NKAIN3: variants seen among roughly 807,000 people sequenced by gnomAD.
NKAIN3 encodes the protein sodium/potassium transporting ATPase interacting 3.
NKAIN3 carries 25 observed loss-of-function variants against 30.2 expected under a neutral mutation model. The ratio of observed to expected loss-of-function variants is 0.83; its 90% CI spans 0.60 to 1.16. NKAIN3 has a LOEUF of 1.16. Among genes scored for constraint, NKAIN3 ranks in the 50% most tolerant of loss-of-function variants. NKAIN3 has a pLI of 0.00. For missense variants in NKAIN3, 225 were observed against 254.1 expected, an observed-to-expected ratio of 0.89 and a Z score of 0.78; for synonymous variants, 91 against 89.6, an observed-to-expected ratio of 1.02 and a Z score of -0.09.
chr8:62,986,593 G>C (rs1035104682), downstream of NKAIN3, among the ~76,000 whole-genome samples: 1 of 152,058 alleles, frequency 6.6e-6, no homozygotes, highest in African/African-American at 2.4e-5. Flanking sequence ...TTAAACTACA[G>C]ACTAGTATAT....
At chr8:62,661,312 C>T (rs1812936325) in intron 3 of NKAIN3, among the ~76,000 whole-genome samples, 1 of 152,170 alleles carries the variant, frequency 6.6e-6, no homozygotes, top group Non-Finnish European at 1.5e-5. Context: ...GTGCCACAGG[C>T]CACCTGCTTG....
chr8:62,485,104 T>G (rs1198498237), intron 1 of NKAIN3, among the ~76,000 whole-genome samples: 1 of 152,168 alleles, frequency 6.6e-6, no homozygotes, highest in Non-Finnish European at 1.5e-5. Context: ...GAGAGAGGCA[T>G]GGTCATAACT....
intron 4 of NKAIN3, among the ~76,000 whole-genome samples, chr8:62,805,722 C>T (rs1479669147): frequency 1.3e-5 from 2 of 152,140 alleles, no homozygotes; most frequent in Non-Finnish European, 2.9e-5. Flanking sequence ...TAGGCATTAC[C>T]ATTCAGGACA....
chr8:62,527,489 G>A (rs1370073837), intron 1 of NKAIN3, among the ~76,000 whole-genome samples: 1 of 152,084 alleles, frequency 6.6e-6, no homozygotes, highest in Non-Finnish European at 1.5e-5. Flanking sequence ...ATTTGAAACA[G>A]CAAGGTAACT....
At chr8:62,614,763 G>T (rs62509502) in intron 3 of NKAIN3, among the ~76,000 whole-genome samples, 73,097 of 151,886 alleles carry the variant, frequency 0.48, 20,672 homozygotes, top group African/African-American at 0.79. Context: ...AAGGCAGAGG[G>T]GCTTCATGTC....
At chr8:62,467,965 G>A (rs13273484) in intron 1 of NKAIN3, among the ~76,000 whole-genome samples, 27,682 of 151,928 alleles carry the variant, frequency 0.18, 2,642 homozygotes, top group African/African-American at 0.21. Context: ...TAGAGAGGGG[G>A]TTTCACCATG....
intron 1 of NKAIN3, among the ~76,000 whole-genome samples, chr8:62,305,391 C>T (rs1036401782): frequency 6.7e-6 from 1 of 150,332 alleles, no homozygotes; most frequent in Non-Finnish European, 1.5e-5. Flanking sequence ...TTGACAAGGT[C>T]CTACTGCAAA....
At chr8:62,620,103 C>G (rs74724326) in intron 3 of NKAIN3, among the ~76,000 whole-genome samples, 1 of 152,078 alleles carries the variant, frequency 6.6e-6, no homozygotes, top group South Asian at 2.1e-4. Flanking sequence ...TTTTATGATA[C>G]GTTTGTTGAA....
At chr8:62,740,594 C>T (rs536482475) in intron 3 of NKAIN3, among the ~76,000 whole-genome samples, 5 of 151,652 alleles carry the variant, frequency 3.3e-5, no homozygotes, top group South Asian at 2.1e-4. Context: ...AGACTAGCTC[C>T]TTGACTAATG....
At chr8:62,421,802 C>G (rs986897061) in intron 1 of NKAIN3, among the ~76,000 whole-genome samples, 3 of 151,962 alleles carry the variant, frequency 2.0e-5, no homozygotes, top group Non-Finnish European at 4.4e-5. Context: ...TTATAAGAAC[C>G]TCATAATGTA....
Position 62,254,755 on chromosome 8 carries a change from C to T in NKAIN3, c.54+5628C>T, listed in dbSNP as rs369488844. ...CAAAGTCAACATAAGCAGTGATTTC[C>T]GTGGCATGTAAATCATGGTACAGCA... On this transcript the variant is annotated intron_variant, in intron 1 of 6. Coordinates refer to ENST00000623646, the MANE Select transcript of NKAIN3 (RefSeq NM_001304533.3). Among the ~76,000 whole-genome samples the T allele has an allele frequency of 3.0e-4, 46 of 152,062 alleles. 1 individual carries two copies. In the South Asian group the frequency reaches 7.3e-3, roughly 24 times the overall value.
Position 62,334,422 on chromosome 8 carries a change from C to T in NKAIN3, c.54+85295C>T, listed in dbSNP as rs557024494. Among the ~76,000 whole-genome samples, 10 of 152,080 alleles carry T rather than the reference C, an allele frequency of 6.6e-5. No homozygotes were observed. The South Asian group carries it at 1.0e-3, about 16-fold the overall frequency. The stretch of plus-strand genomic sequence containing the variant: ...TGGCCTTTACCTGGTAGGACTAGGT[C>T]GAAACTTCCCACACTATATAAGGAC... On this transcript the variant is annotated intron_variant, in intron 1 of 6. Transcript: ENST00000623646.
chr8:62,753,208 G>GCA (rs10636968), intron 4 of NKAIN3, among the ~76,000 whole-genome samples: 71,286 of 146,698 alleles, frequency 0.49, 19,671 homozygotes, highest in Non-Finnish European at 0.65. Flanking sequence ...TAAAGAGGAT[G>GCA]CACACACACA....
intron 4 of NKAIN3, among the ~76,000 whole-genome samples, chr8:62,761,753 C>T (rs752386921): frequency 1.2e-4 from 19 of 152,078 alleles, no homozygotes; most frequent in Non-Finnish European, 2.2e-4. Flanking sequence ...TTCATATTGC[C>T]GAAAAGAACA....
At chr8:62,291,506 A>G (rs1813629944) in intron 1 of NKAIN3, among the ~76,000 whole-genome samples, 1 of 152,220 alleles carries the variant, frequency 6.6e-6, no homozygotes, top group Non-Finnish European at 1.5e-5. Context: ...CCCAGTAGTC[A>G]TGCAGGAGCA....
At chr8:62,295,611 T>C (rs11774413) in intron 1 of NKAIN3, among the ~76,000 whole-genome samples, 44,073 of 152,054 alleles carry the variant, frequency 0.29, 6,662 homozygotes, top group Admixed American at 0.34. Context: ...TTTCACAGCT[T>C]TTTTGGGGGA....
At chr8:62,313,318 T>C (rs1563929402) in intron 1 of NKAIN3, among the ~76,000 whole-genome samples, 2 of 152,182 alleles carry the variant, frequency 1.3e-5, no homozygotes, top group African/African-American at 2.4e-5. Context: ...GTGAGGTTAT[T>C]GCTCTAAGTC....
intron 1 of NKAIN3, among the ~76,000 whole-genome samples, chr8:62,546,966 A>C (rs1809035292): frequency 6.6e-6 from 1 of 152,124 alleles, no homozygotes; most frequent in Non-Finnish European, 1.5e-5. Flanking sequence ...GCCAGGGAGG[A>C]AAGTGGATTT....
intron 3 of NKAIN3, among the ~76,000 whole-genome samples, chr8:62,707,738 C>T (rs963548333): frequency 1.3e-5 from 2 of 152,080 alleles, no homozygotes; most frequent in African/African-American, 4.8e-5. Context: ...AATTAAGTCC[C>T]AGCTATTTAT....
Sources: gnomAD v4.1 joint callset for allele counts (sites outside exome capture counted in the v4.1 genomes callset) on GRCh38, gnomAD v4.1.1 for gene constraint, MANE v1.5 for transcripts, NCBI Gene and HGNC (gene_info 2026-07-23, HGNC 2026-07-21) for gene names.